Variants in RHOBTB1 observed in about 807,000 individuals in gnomAD.
RHOBTB1 encodes Rho related BTB domain containing 1, also known as rho-related BTB domain-containing protein 1.
In RHOBTB1, 40 loss-of-function variants were observed where a neutral mutation model predicts 71.6. The observed-to-expected ratio is 0.56, with a 90% CI of 0.43 to 0.73. The LOEUF (loss-of-function observed/expected upper bound fraction) is 0.73. Among genes scored for constraint, RHOBTB1 ranks in the 30% least tolerant of loss-of-function variants. The pLI, the probability that RHOBTB1 is intolerant of heterozygous loss-of-function variation, is 0.00. For missense variants in RHOBTB1, 797 were observed against 894.0 expected (o/e 0.89, Z 1.38); for synonymous variants, 319 against 334.9 (o/e 0.95, Z 0.52).
intron 2 of RHOBTB1, among the ~76,000 whole-genome samples, chr10:60,939,078 G>C (rs1300835935): frequency 6.6e-6 from 1 of 152,108 alleles, no homozygotes; most frequent in African/African-American, 2.4e-5. Context: ...GTAAACTCAG[G>C]TGCAGAGTGG....
At chr10:60,890,943 T>C (rs1280373709) in intron 5 of RHOBTB1, among the ~76,000 whole-genome samples, 1 of 152,210 alleles carries the variant, frequency 6.6e-6, no homozygotes, top group East Asian at 1.9e-4. Context: ...AATTGCTCTG[T>C]AGAAGGCACT....
At chr10:60,890,518 G>T (rs1263773234) in intron 5 of RHOBTB1, among the ~76,000 whole-genome samples, 1 of 151,994 alleles carries the variant, frequency 6.6e-6, no homozygotes, top group Non-Finnish European at 1.5e-5. Context: ...TACAGTGCTG[G>T]GGTTATGGCA....
chr10:60,995,511 G>A (rs1207576437), intron 1 of RHOBTB1, among the ~76,000 whole-genome samples: 1 of 152,078 alleles, frequency 6.6e-6, no homozygotes, highest in African/African-American at 2.4e-5. Flanking sequence ...TGTTTAAAAG[G>A]CTTTGGGGAA....
intron 4 of RHOBTB1, among the ~76,000 whole-genome samples, chr10:60,907,148 C>G (rs1368765537): frequency 6.6e-6 from 1 of 152,210 alleles, no homozygotes; most frequent in Non-Finnish European, 1.5e-5. Flanking sequence ...CCACACGGAA[C>G]TGTGAGTCCA....
intron 1 of RHOBTB1, among the ~76,000 whole-genome samples, chr10:60,999,249 G>A (rs867974281): frequency 2.0e-5 from 3 of 151,778 alleles, no homozygotes; most frequent in South Asian, 2.1e-4. Flanking sequence ...TTTAGTGAAG[G>A]AAATGAAAAG....
At chr10:60,933,318 T>A (rs566623818) in intron 2 of RHOBTB1, among the ~76,000 whole-genome samples, 1 of 152,192 alleles carries the variant, frequency 6.6e-6, no homozygotes, top group South Asian at 2.1e-4. Context: ...CAGTCTGGAG[T>A]GCGACTAGAA....
At chr10:60,969,878 A>T (rs1019321681) in intron 2 of RHOBTB1, among the ~76,000 whole-genome samples, 5 of 152,146 alleles carry the variant, frequency 3.3e-5, no homozygotes, top group Non-Finnish European at 5.9e-5. Flanking sequence ...ATGGAATATA[A>T]GGCTTATAAT....
chr10:60,905,389 G>T (rs2082617662), intron 4 of RHOBTB1, among the ~76,000 whole-genome samples: 1 of 138,012 alleles, frequency 7.2e-6, no homozygotes, highest in Admixed American at 7.8e-5. Flanking sequence ...GACGTAGGTT[G>T]CAGCAAGCCA....
intron 5 of RHOBTB1, among the ~76,000 whole-genome samples, 175 bp from the exon 6 acceptor site, chr10:60,889,360 A>G (rs1467091620): frequency 6.6e-6 from 1 of 152,236 alleles, no homozygotes; most frequent in Admixed American, 6.5e-5. Flanking sequence ...GTTATGATTG[A>G]AGGAAAAAAT....
chr10:60,888,222 T>C lies in RHOBTB1; in HGVS notation c.1446A>G (p.Gly482=), dbSNP rs2081690830. The change falls in exon 6 of 11, where the codon GGA becomes GGG. Residue 482 remains glycine, a synonymous_variant. Transcript: ENST00000337910. The part of the protein sequence containing the change: ...ANRIKECLSK[G]TFSDVTFKLD... ...CCGCGGCCCACTCACCCGAGAACGT[T>C]CCCTTGCTGAGACACTCTTTTATCC... 7.4e-6 allele frequency: 12 copies of C among 1,612,672 alleles called. No homozygotes were observed. The highest frequency in any genetic ancestry group is 1.0e-5 in the Non-Finnish European group (12 of 1,178,966).
At chr10:60,991,665 T>C (rs538938553) in intron 1 of RHOBTB1, among the ~76,000 whole-genome samples, 1 of 152,072 alleles carries the variant, frequency 6.6e-6, no homozygotes, top group African/African-American at 2.4e-5. Flanking sequence ...ACTCCTGACC[T>C]TGTGATCCAC....
At position 60,870,480 on chromosome 10, in the gene RHOBTB1, G is replaced by A. The variant is rs2080727354; in HGVS notation, c.*1002C>T. On this transcript the variant is annotated 3_prime_UTR_variant, in exon 11 of 11. Coordinates refer to ENST00000337910, the MANE Select transcript of RHOBTB1 (RefSeq NM_014836.5). ...GTCTTACAAAGTGAAGTTGGCCACA[G>A]GTGAGAAGCCTGAGGAAGCCTGTTT... 1 of 152,238 alleles carries A rather than the reference G, an allele frequency of 6.6e-6. No homozygotes were observed. Among genetic ancestry groups the A allele is most frequent in the South Asian group, 2.1e-4 (1 of 4,832 alleles). The allele number at this position is 152,238 out of a possible 1,614,324, so 9.4% of individuals were successfully genotyped here.
chr10:60,925,679 G>GA (rs758804604), intron 2 of RHOBTB1, among the ~76,000 whole-genome samples: 1 of 151,064 alleles, frequency 6.6e-6, no homozygotes, highest in Non-Finnish European at 1.5e-5. Context: ...GCCAGACTAA[G>GA]AAAAAAAAGA....
At chr10:60,985,734 A>G (rs1279781533) in intron 2 of RHOBTB1, 1 of 152,184 alleles carries the variant, frequency 6.6e-6, no homozygotes, top group East Asian at 1.9e-4. Flanking sequence ...GACAATCTAG[A>G]TATTATTCAT....
chr10:60,886,572 T>C (rs1360046414), intron 6 of RHOBTB1, among the ~76,000 whole-genome samples: 1 of 152,252 alleles, frequency 6.6e-6, no homozygotes, highest in African/African-American at 2.4e-5. Context: ...TTATCCTTGT[T>C]AACATTTTGG....
intron 1 of RHOBTB1, among the ~76,000 whole-genome samples, chr10:60,995,367 A>C (rs1392284672): frequency 6.6e-6 from 1 of 152,140 alleles, no homozygotes; most frequent in Non-Finnish European, 1.5e-5. Flanking sequence ...GAACCATCAG[A>C]GATTGGAACC....
intron 2 of RHOBTB1, among the ~76,000 whole-genome samples, chr10:60,934,235 T>A (rs1020883514): frequency 6.6e-6 from 1 of 152,212 alleles, no homozygotes; most frequent in Non-Finnish European, 1.5e-5. Context: ...GTGAACTGCC[T>A]TTCATATGGT....
At position 60,922,098 on chromosome 10, in the gene RHOBTB1, A is replaced by G. The variant is rs538174716; in HGVS notation, c.-10-10546T>C. The stretch of plus-strand genomic sequence containing the variant: ...ATTTATAAATGTTAATAATATTTAT[A>G]TATAAGGGTCTCATAAAGTTCTCAT... On this transcript the variant is annotated intron_variant, in intron 2 of 10. Transcript: ENST00000337910. Among the ~76,000 whole-genome samples the G allele has an allele frequency of 2.0e-5, 3 of 152,220 alleles. No homozygotes were observed. The East Asian group carries it at 5.8e-4, about 29-fold the overall frequency.
intron 1 of RHOBTB1, among the ~76,000 whole-genome samples, chr10:61,000,889 A>G (rs769400402): frequency 1.3e-5 from 2 of 152,104 alleles, no homozygotes; most frequent in Non-Finnish European, 2.9e-5. Context: ...AGAAAAATCA[A>G]TCCCGCATCA....
Sources: allele counts gnomAD v4.1 joint callset (sites outside exome capture counted in the v4.1 genomes callset), GRCh38; gene constraint gnomAD v4.1.1; transcripts MANE v1.5; gene names NCBI Gene and HGNC (gene_info 2026-07-23, HGNC 2026-07-21).